The following CADM2 variants were observed in gnomAD, a reference collection of about 807,000 sequenced individuals.
The protein encoded by CADM2 is immunoglobulin superfamily member 4D.
In CADM2, 12 loss-of-function variants were observed where a neutral mutation model predicts 49.8. The ratio of observed to expected loss-of-function variants is 0.24; its 90% confidence interval spans 0.15 to 0.39. CADM2 has a LOEUF of 0.39. Among genes scored for constraint, CADM2 ranks in the 10% least tolerant of loss-of-function variants. CADM2 has a pLI of 1.00. For synonymous variants in CADM2, 214 were observed against 175.4 expected (o/e 1.22, Z -1.74); for missense variants, 378 against 492.3 (o/e 0.77, Z 2.20).
At chr3:85,223,967 T>A (rs533377851) in intron 1 of CADM2, among the ~76,000 whole-genome samples, 3 of 152,350 alleles carry the variant, frequency 2.0e-5, no homozygotes, top group African/African-American at 7.2e-5. Flanking sequence ...TATTCCATTG[T>A]GTATATGTGC....
chr3:85,563,416 G>GGGGC (rs1389655392), intron 1 of CADM2, among the ~76,000 whole-genome samples: 1 of 148,676 alleles, frequency 6.7e-6, no homozygotes, highest in Admixed American at 6.7e-5. Flanking sequence ...GTGTGTGGGG[G>GGGGC]GGTGGTAATT....
In CADM2 at chr3:86,067,212, T is replaced by C. The variant is rs1008594640; in HGVS notation, c.*429T>C. 6.4e-6 allele frequency: 1 copy of C among 155,356 alleles called. No individual in the cohort carries two copies. The highest frequency in any genetic ancestry group is 2.4e-5 in the African/African-American group (1 of 41,486). The allele number at this position is 155,356 out of a possible 1,614,324, so 9.6% of individuals were successfully genotyped here. On this transcript the variant is annotated 3_prime_UTR_variant, in exon 10 of 10. Coordinates refer to ENST00000383699, the MANE Select transcript of CADM2 (RefSeq NM_001167675.2). ...GTAACAGGATTAGGGAAGGACATAATGTATTTAAGAATAAGTGAAGGTTAG... is the reference window on the plus strand; with the variant it reads ...GTAACAGGATTAGGGAAGGACATAACGTATTTAAGAATAAGTGAAGGTTAG...
chr3:85,678,900 T>C (rs73845617), intron 1 of CADM2, among the ~76,000 whole-genome samples: 1,803 of 152,178 alleles, frequency 0.012, 44 homozygotes, highest in African/African-American at 0.042. Flanking sequence ...ATCCGTTAGA[T>C]AGATATCAGG....
At chr3:85,077,077 C>T (rs2036974022) in intron 1 of CADM2, among the ~76,000 whole-genome samples, 1 of 152,160 alleles carries the variant, frequency 6.6e-6, no homozygotes, top group South Asian at 2.1e-4. Flanking sequence ...GAAAGCAAAT[C>T]TAAGACTTTT....
At chr3:85,142,767 G>A (rs1382232481) in intron 1 of CADM2, among the ~76,000 whole-genome samples, 3 of 152,078 alleles carry the variant, frequency 2.0e-5, no homozygotes, top group Non-Finnish European at 4.4e-5. Context: ...GCATGGCAGA[G>A]TCAATCTGTT....
intron 1 of CADM2, among the ~76,000 whole-genome samples, chr3:85,723,861 T>A (rs1001453114): frequency 6.6e-6 from 1 of 152,030 alleles, no homozygotes; most frequent in African/African-American, 2.4e-5. Context: ...TTGGCATGTT[T>A]TCTTTGAATT....
intron 1 of CADM2, among the ~76,000 whole-genome samples, chr3:85,131,122 C>T (rs897486529): frequency 1.3e-5 from 2 of 151,584 alleles, no homozygotes; most frequent in Non-Finnish European, 2.9e-5. Flanking sequence ...GAGGTAGCAG[C>T]GAGCCAAGAT....
At chr3:85,630,976 A>G (rs966139319) in intron 1 of CADM2, among the ~76,000 whole-genome samples, 1 of 152,012 alleles carries the variant, frequency 6.6e-6, no homozygotes, top group Non-Finnish European at 1.5e-5. Flanking sequence ...GGCACTTTCT[A>G]TTTCTCTGGC....
chr3:86,021,423 T>C (rs938345120), intron 8 of CADM2, among the ~76,000 whole-genome samples: 1 of 152,172 alleles, frequency 6.6e-6, no homozygotes, highest in Non-Finnish European at 1.5e-5. Flanking sequence ...TACCTTAGCT[T>C]AAGATAGAAA....
intron 1 of CADM2, among the ~76,000 whole-genome samples, chr3:85,114,059 A>G (rs1345540012): frequency 6.6e-6 from 1 of 152,132 alleles, no homozygotes; most frequent in African/African-American, 2.4e-5. Context: ...CTCATAAACC[A>G]TAAGTATAGG....
intron 8 of CADM2, among the ~76,000 whole-genome samples, chr3:85,974,373 T>C (rs1303117049): frequency 6.6e-6 from 1 of 151,700 alleles, no homozygotes; most frequent in African/African-American, 2.4e-5. Flanking sequence ...TGTCTTCTTG[T>C]ATGCTAGGCT....
intron 1 of CADM2, among the ~76,000 whole-genome samples, chr3:85,499,313 C>G (rs991873688): frequency 6.6e-5 from 10 of 152,130 alleles, no homozygotes; most frequent in African/African-American, 1.2e-4. Context: ...TTTCAGTCAT[C>G]ATGACTTTTG....
intron 1 of CADM2, among the ~76,000 whole-genome samples, chr3:85,507,246 C>T (rs1293063570): frequency 2.1e-5 from 3 of 144,510 alleles, no homozygotes; most frequent in Non-Finnish European, 4.5e-5. Context: ...TGCAGTGGTG[C>T]GATCTCGGCT....
chr3:85,079,087 G>T (rs1278649979), intron 1 of CADM2, among the ~76,000 whole-genome samples: 1 of 151,452 alleles, frequency 6.6e-6, no homozygotes, highest in Non-Finnish European at 1.5e-5. Context: ...TAGATTTTTA[G>T]GTATAAATTA....
chr3:85,945,277 C>G (rs1476170570), intron 7 of CADM2, among the ~76,000 whole-genome samples: 1 of 151,968 alleles, frequency 6.6e-6, no homozygotes, highest in East Asian at 1.9e-4. Flanking sequence ...GAAATTGAGG[C>G]AATAATTAAG....
intron 3 of CADM2, among the ~76,000 whole-genome samples, chr3:85,860,516 C>CG (rs1446014085): frequency 6.6e-6 from 1 of 152,078 alleles, no homozygotes; most frequent in Non-Finnish European, 1.5e-5. Flanking sequence ...TTATAAACAA[C>CG]GGAAGTTTAT....
intron 1 of CADM2, among the ~76,000 whole-genome samples, chr3:85,566,141 C>T (rs1483766078): frequency 2.0e-5 from 3 of 152,102 alleles, no homozygotes; most frequent in Non-Finnish European, 4.4e-5. Context: ...AGCATTAATT[C>T]TGCAAATGGC....
At chr3:85,212,555 A>G (rs2107771018) in intron 1 of CADM2, among the ~76,000 whole-genome samples, 1 of 152,330 alleles carries the variant, frequency 6.6e-6, no homozygotes, top group African/African-American at 2.4e-5. Flanking sequence ...TAAACAAATA[A>G]GCAAAGAGGA....
chr3:86,012,576 G>T, intron 8 of CADM2: 1 of 1,551,902 alleles, frequency 6.4e-7, no homozygotes, highest in Non-Finnish European at 8.7e-7. Flanking sequence ...GAACTTCTGC[G>T]CTGCCCCCAA....
Sources: gnomAD v4.1 joint callset for allele counts (sites outside exome capture counted in the v4.1 genomes callset) on GRCh38, gnomAD v4.1.1 for gene constraint, MANE v1.5 for transcripts, NCBI Gene and HGNC (gene_info 2026-07-23, HGNC 2026-07-21) for gene names.